The following SUSD5 variants were observed in gnomAD, a reference collection of about 807,000 sequenced individuals.
SUSD5 encodes sushi domain-containing protein 5.
In SUSD5, 33 loss-of-function variants were observed where a neutral mutation model predicts 29.5. That is an observed-to-expected ratio of 1.12 (90% CI 0.85 to 1.49). SUSD5 has a LOEUF of 1.49. Ranked by LOEUF, SUSD5 falls within the 40% of genes most tolerant of loss-of-function variation. The probability of loss-of-function intolerance (pLI) is 0.00; values close to 1 mark genes in which losing one functional copy is unlikely to be tolerated. For synonymous variants in SUSD5, 308 were observed against 325.3 expected (o/e 0.95, Z 0.57); for missense variants, 776 against 800.6 (o/e 0.97, Z 0.37).
At chr3:33,189,904 T>C (rs1006566869) in intron 3 of SUSD5, among the ~76,000 whole-genome samples, 3 of 152,200 alleles carry the variant, frequency 2.0e-5, no homozygotes, top group Admixed American at 2.0e-4. Flanking sequence ...TATAAATCTA[T>C]ATATAAAACC....
chr3:33,184,268 C>G (rs2031736171), intron 3 of SUSD5, among the ~76,000 whole-genome samples: 1 of 152,072 alleles, frequency 6.6e-6, no homozygotes, highest in Admixed American at 6.6e-5. Context: ...TGCATGGTTT[C>G]AGAGGAGGAA....
chr3:33,177,490 A>G (rs1249329163), intron 3 of SUSD5, among the ~76,000 whole-genome samples: 1 of 152,132 alleles, frequency 6.6e-6, no homozygotes, highest in East Asian at 1.9e-4. Flanking sequence ...GCTAATATAA[A>G]TGGTAACATG....
chr3:33,218,360 A>G (rs1198957883), intron 1 of SUSD5, among the ~76,000 whole-genome samples: 1 of 152,216 alleles, frequency 6.6e-6, no homozygotes, highest in Non-Finnish European at 1.5e-5. Context: ...ACCCCTTAGC[A>G]GAGGAGGTTC....
Position 33,214,045 on chromosome 3 carries a change from C to A in SUSD5, c.173G>T (p.Arg58Leu), listed in dbSNP as rs746556956. 3.7e-6 allele frequency: 6 copies of A among 1,613,586 alleles called. No homozygotes were observed. Among genetic ancestry groups the A allele is most frequent in the Non-Finnish European group, 5.1e-6 (6 of 1,179,728 alleles). ...GSQGLQLEAA[R>L]LSCKSRGAHL... ...AGCGCCCCTGCTCTTGCAGGAAAGC[C>A]GAGCAGCCTCCAGTTGTAGGCCCTG... The change falls in exon 2 of 5, where the codon CGG becomes CTG. Residue 58 changes from arginine (R) to leucine (L), a missense_variant. By Grantham distance (102) the Arg-to-Leu change is moderately radical. Transcript: ENST00000309558.
rs910064904 is a variant in SUSD5, at chr3:33,208,489, C to A, written c.291-563G>T. Among the ~76,000 whole-genome samples, 6 of 152,210 alleles carry A rather than the reference C, an allele frequency of 3.9e-5. No homozygotes were observed. The East Asian group carries it at 9.6e-4, about 24-fold the overall frequency. On this transcript the variant is annotated intron_variant, in intron 2 of 4. Transcript: ENST00000309558. Reference sequence around the variant, plus strand: ...AAGTTCATCTCACAATCTCTGTTTTCTAATTGGAGCCTCCTGTCTACTAAT... The same window carrying A: ...AAGTTCATCTCACAATCTCTGTTTTATAATTGGAGCCTCCTGTCTACTAAT...
chr3:33,192,018 T>C (rs555106197), intron 3 of SUSD5, among the ~76,000 whole-genome samples: 8 of 152,234 alleles, frequency 5.3e-5, no homozygotes, highest in African/African-American at 1.9e-4. Flanking sequence ...AGTGCTATCA[T>C]TGTTTGTAAA....
intron 4 of SUSD5, among the ~76,000 whole-genome samples, chr3:33,160,759 C>T (rs1210345825): frequency 2.0e-5 from 3 of 151,800 alleles, no homozygotes; most frequent in African/African-American, 7.3e-5. Flanking sequence ...CAGTTAGAAA[C>T]TTCAAAGAAC....
chr3:33,154,478 G>A lies in SUSD5; in HGVS notation c.599-445C>T, dbSNP rs377649688. On this transcript the variant is annotated intron_variant, in intron 4 of 4. Transcript: ENST00000309558. ...GCGGACGTTGCAGTGAGCCAACATC[G>A]TACCACTGCACTCCAGCCTGGGTGA... 2.0e-3 allele frequency among the ~76,000 whole-genome samples: 299 copies of A among 152,172 alleles called. 2 individuals are homozygous for A. Among genetic ancestry groups the A allele is most frequent in the African/African-American group, 6.9e-3 (285 of 41,502 alleles).
intron 4 of SUSD5, among the ~76,000 whole-genome samples, chr3:33,160,746 A>G (rs2031169056): frequency 6.6e-6 from 1 of 152,208 alleles, no homozygotes; most frequent in Admixed American, 6.5e-5. Flanking sequence ...AGAACTAAAA[A>G]ATCAGTTAGA....
rs1196953696 is a variant in SUSD5, at chr3:33,151,557, T to C, written c.*1185A>G. On this transcript the variant is annotated 3_prime_UTR_variant, in exon 5 of 5. Transcript: ENST00000309558. ...CCCTCTGAAAACATTTCTTTTTTTT[T>C]TCTCCCGTGTCATTCTCTCTTACTG... The C allele has an allele frequency of 2.0e-5, 3 of 152,122 alleles. No individual in the cohort carries two copies. The highest frequency in any genetic ancestry group is 7.2e-5 in the African/African-American group (3 of 41,412). The allele number at this position is 152,122 out of a possible 1,614,324, so 9.4% of individuals were successfully genotyped here.
intron 4 of SUSD5, among the ~76,000 whole-genome samples, chr3:33,163,231 A>G (rs1434239493): frequency 6.6e-6 from 1 of 152,184 alleles, no homozygotes; most frequent in Non-Finnish European, 1.5e-5. Context: ...CAAGGACATA[A>G]TAAAAAGGAA....
intron 3 of SUSD5, among the ~76,000 whole-genome samples, chr3:33,195,118 C>A (rs577555278): frequency 2.0e-5 from 3 of 152,088 alleles, no homozygotes; most frequent in Non-Finnish European, 2.9e-5. Context: ...TCGCTTGAAC[C>A]CAGGAGGCAG....
At position 33,153,238 on chromosome 3, in the gene SUSD5, A is replaced by G; in HGVS notation, c.1394T>C (p.Leu465Ser). ...GGGTAGAGTTGACTGGTACTTCGTC[A>G]AGTCACCATCCCCAATGCCCTCAGT... is the stretch of plus-strand genomic sequence containing the variant. ...SETEGIGDGD[L>S]TKYQSTLPWR... Residue 465 changes from leucine to serine, a missense_variant, in exon 5 of 5, where the codon TTG becomes TCG. Coordinates refer to ENST00000309558, the MANE Select transcript of SUSD5 (RefSeq NM_015551.2). The G allele has an allele frequency of 6.2e-7, 1 of 1,613,716 alleles. No individual in the cohort carries two copies. The highest frequency in any genetic ancestry group is 1.1e-5 in the South Asian group (1 of 91,054).
chr3:33,171,692 A>G (rs547294913), intron 4 of SUSD5, among the ~76,000 whole-genome samples: 30 of 152,236 alleles, frequency 2.0e-4, no homozygotes, highest in African/African-American at 7.2e-4. Flanking sequence ...CAGCGTGGCT[A>G]TGGTACATCC....
chr3:33,203,501 G>A (rs949267224), intron 3 of SUSD5, among the ~76,000 whole-genome samples: 1 of 152,218 alleles, frequency 6.6e-6, no homozygotes, highest in Non-Finnish European at 1.5e-5. Flanking sequence ...GAGCTGCTCT[G>A]GGACGCAGGG....
chr3:33,215,116 A>G (rs1383105134), intron 1 of SUSD5, among the ~76,000 whole-genome samples: 1 of 152,050 alleles, frequency 6.6e-6, no homozygotes, highest in Non-Finnish European at 1.5e-5. Flanking sequence ...AAAATTTTAA[A>G]TAAACACTTC....
chr3:33,193,551 T>C (rs958787619), intron 3 of SUSD5, among the ~76,000 whole-genome samples: 4 of 152,070 alleles, frequency 2.6e-5, no homozygotes, highest in African/African-American at 4.8e-5. Context: ...TAGCTGCATA[T>C]ATGGAATTCA....
chr3:33,191,115 A>G (rs1403799270), intron 3 of SUSD5, among the ~76,000 whole-genome samples: 1 of 151,876 alleles, frequency 6.6e-6, no homozygotes, highest in Non-Finnish European at 1.5e-5. Context: ...CCCTGTGCAT[A>G]TAATAAATTA....
chr3:33,206,177 C>A (rs1236254356), intron 3 of SUSD5, among the ~76,000 whole-genome samples: 2 of 152,050 alleles, frequency 1.3e-5, no homozygotes, highest in African/African-American at 4.8e-5. Context: ...AGTTCAAGAC[C>A]AGCCTGGCCA....
Sources: gnomAD v4.1 joint callset for allele counts (sites outside exome capture counted in the v4.1 genomes callset) on GRCh38, gnomAD v4.1.1 for gene constraint, MANE v1.5 for transcripts, NCBI Gene and HGNC (gene_info 2026-07-23, HGNC 2026-07-21) for gene names.